KIAA1217: variants seen among roughly 807,000 people sequenced by gnomAD.
The protein encoded by KIAA1217 is sickle tail protein homolog.
A neutral mutation model predicts 163.9 loss-of-function variants in KIAA1217; 88 were observed. The observed-to-expected ratio is 0.54, with a 90% CI of 0.45 to 0.64. The LOEUF (loss-of-function observed/expected upper bound fraction) is 0.64. Ranked by LOEUF, KIAA1217 falls within the 30% of genes least tolerant of loss-of-function variation. The pLI is 0.00. For missense variants in KIAA1217, 2,372 were observed against 2,475.0 expected (o/e 0.96, Z 0.88); for synonymous variants, 903 against 923.1 (o/e 0.98, Z 0.39).
intron 2 of KIAA1217, among the ~76,000 whole-genome samples, chr10:24,140,851 C>T (rs1355108704): frequency 1.3e-5 from 2 of 152,084 alleles, no homozygotes; most frequent in Non-Finnish European, 2.9e-5. Flanking sequence ...GTCTCCTTTG[C>T]AATCATTATA....
chr10:24,373,516 T>C (rs2052003878), intron 2 of KIAA1217, among the ~76,000 whole-genome samples: 1 of 152,158 alleles, frequency 6.6e-6, no homozygotes. Flanking sequence ...CTTGGAAGTT[T>C]CCCAGGAGGT....
At chr10:24,144,187 T>C (rs185070932) in intron 2 of KIAA1217, among the ~76,000 whole-genome samples, 13 of 152,364 alleles carry the variant, frequency 8.5e-5, no homozygotes, top group Admixed American at 8.5e-4. Flanking sequence ...CAAAGCATTT[T>C]TCAATATTCA....
intron 2 of KIAA1217, chr10:24,255,460 A>G (rs1382415645): frequency 4.4e-6 from 2 of 454,126 alleles, no homozygotes; most frequent in Non-Finnish European, 8.8e-6. Flanking sequence ...CCAGAACATT[A>G]AAGGTCTGGC....
intron 2 of KIAA1217, among the ~76,000 whole-genome samples, chr10:24,291,476 G>C (rs971629520): frequency 3.9e-5 from 6 of 152,188 alleles, no homozygotes; most frequent in Non-Finnish European, 7.3e-5. Flanking sequence ...GTTCTAGTGA[G>C]TCAAGATCGC....
chr10:24,278,796 A>T (rs943003664), intron 2 of KIAA1217, among the ~76,000 whole-genome samples: 7 of 151,986 alleles, frequency 4.6e-5, no homozygotes, highest in Admixed American at 2.6e-4. Flanking sequence ...GAACTGAGTT[A>T]AAGTTGCTAA....
intron 2 of KIAA1217, among the ~76,000 whole-genome samples, chr10:24,189,812 T>C (rs565610183): frequency 2.0e-5 from 3 of 152,186 alleles, no homozygotes; most frequent in African/African-American, 7.2e-5. Flanking sequence ...GGCTGGGAGT[T>C]TGAGACCAGC....
At chr10:24,250,895 C>G (rs1480357455) in intron 2 of KIAA1217, among the ~76,000 whole-genome samples, 5 of 151,020 alleles carry the variant, frequency 3.3e-5, no homozygotes, top group Admixed American at 3.3e-4. Flanking sequence ...CTGAGATCAG[C>G]CTGAGCAACA....
At chr10:23,949,836 G>A (rs187719804) in intron 1 of KIAA1217, among the ~76,000 whole-genome samples, 2 of 152,276 alleles carry the variant, frequency 1.3e-5, no homozygotes, top group East Asian at 3.9e-4. Flanking sequence ...ACCATCGTCA[G>A]ATGTATTATG....
At chr10:23,922,169 A>G (rs1221933051) in intron 1 of KIAA1217, among the ~76,000 whole-genome samples, 1 of 152,142 alleles carries the variant, frequency 6.6e-6, no homozygotes, top group Non-Finnish European at 1.5e-5. Context: ...GCATAATGCA[A>G]CCTCTGTAGA....
chr10:23,726,489 A>T (rs1733221396), intron 1 of KIAA1217, among the ~76,000 whole-genome samples: 1 of 152,176 alleles, frequency 6.6e-6, no homozygotes, highest in South Asian at 2.1e-4. Flanking sequence ...GGACATAGGC[A>T]TGGGCAAGGA....
intron 3 of KIAA1217, among the ~76,000 whole-genome samples, chr10:24,427,306 C>T (rs951423609): frequency 1.3e-5 from 2 of 152,000 alleles, no homozygotes; most frequent in African/African-American, 4.8e-5. Flanking sequence ...GAGCTGCACC[C>T]AGCACGCTTC....
intron 7 of KIAA1217, 77 bp from the exon 8 acceptor site, chr10:24,495,070 G>T: frequency 8.4e-7 from 1 of 1,196,446 alleles, no homozygotes; most frequent in South Asian, 1.3e-5. Context: ...TTCAAATAGT[G>T]GATGGAATGG....
intron 1 of KIAA1217, among the ~76,000 whole-genome samples, chr10:23,701,592 C>T (rs909813881): frequency 2.6e-5 from 4 of 152,168 alleles, no homozygotes; most frequent in African/African-American, 4.8e-5. Context: ...TATCAATTAA[C>T]CAATGAAGCA....
At chr10:24,425,522 A>G (rs1202218598) in intron 3 of KIAA1217, among the ~76,000 whole-genome samples, 1 of 152,110 alleles carries the variant, frequency 6.6e-6, no homozygotes, top group Non-Finnish European at 1.5e-5. Flanking sequence ...CTGTTTTATG[A>G]TATGCTTTGT....
intron 2 of KIAA1217, among the ~76,000 whole-genome samples, chr10:24,292,265 T>A (rs1279057777): frequency 6.6e-6 from 1 of 152,220 alleles, no homozygotes; most frequent in Non-Finnish European, 1.5e-5. Context: ...GTTTAACTGA[T>A]GGAAAACTCC....
At chr10:24,251,882 G>A (rs6482379) in intron 2 of KIAA1217, among the ~76,000 whole-genome samples, 1 of 145,632 alleles carries the variant, frequency 6.9e-6, no homozygotes. Flanking sequence ...AAAAAAAAAG[G>A]GGCGGGGAGC....
At chr10:23,733,162 C>T (rs189348630) in intron 1 of KIAA1217, among the ~76,000 whole-genome samples, 80 of 151,910 alleles carry the variant, frequency 5.3e-4, no homozygotes, top group African/African-American at 1.1e-3. Flanking sequence ...TACAGATGCC[C>T]GCCACCACAC....
At chr10:23,776,556 A>G (rs1835015709) in intron 1 of KIAA1217, among the ~76,000 whole-genome samples, 1 of 151,498 alleles carries the variant, frequency 6.6e-6, no homozygotes, top group African/African-American at 2.4e-5. Context: ...CAATAAAATA[A>G]TATAAATATT....
chr10:23,955,635 G>A (rs1171633862), intron 1 of KIAA1217, among the ~76,000 whole-genome samples: 1 of 152,210 alleles, frequency 6.6e-6, no homozygotes, highest in Non-Finnish European at 1.5e-5. Context: ...TGCGGGTGAT[G>A]ATGTGGGAGG....
Sources: gnomAD v4.1 joint callset for allele counts (sites outside exome capture counted in the v4.1 genomes callset) on GRCh38, gnomAD v4.1.1 for gene constraint, MANE v1.5 for transcripts, NCBI Gene and HGNC (gene_info 2026-07-23, HGNC 2026-07-21) for gene names.